FAAH: variants seen among roughly 807,000 people sequenced by gnomAD.
The protein encoded by FAAH is fatty-acid amide hydrolase 1.
In FAAH, 63 loss-of-function variants were observed where a neutral mutation model predicts 69.7. That is an observed-to-expected ratio of 0.90 (90% CI 0.74 to 1.12). The LOEUF (loss-of-function observed/expected upper bound fraction) is 1.12. Ranked by LOEUF, FAAH falls within the 50% of genes most tolerant of loss-of-function variation. The pLI, the probability that FAAH is intolerant of heterozygous loss-of-function variation, is 0.00. For synonymous variants in FAAH, 305 were observed against 324.2 expected (o/e 0.94, Z 0.64); for missense variants, 680 against 755.0 (o/e 0.90, Z 1.16).
chr1:46,410,569 C>T lies in FAAH; in HGVS notation c.1275+72C>T, dbSNP rs2148452846. ...TAGGGCCTCCTATCGCATGATCCCC[C>T]ATGGCCTCCCTCAGCCTCTCTTGGT... On this transcript the variant is annotated intron_variant, in intron 10 of 14. Coordinates refer to ENST00000243167, the MANE Select transcript of FAAH (RefSeq NM_001441.3). The surrounding 1 kb of genome is among the most constrained non-coding windows in gnomAD (Gnocchi z 4.9). The T allele has an allele frequency of 2.1e-6, 3 of 1,398,522 alleles. No homozygotes were observed. Among genetic ancestry groups the T allele is most frequent in the African/African-American group, 2.8e-5 (2 of 70,762 alleles). The allele number at this position is 1,398,522 out of a possible 1,614,324, so 86.6% of individuals were successfully genotyped here. A position where few individuals can be genotyped will look rare whatever the true frequency, so the allele number is the denominator to read the frequency against.
Position 46,394,529 on chromosome 1 carries a change from C to G in FAAH, c.181C>G (p.Arg61Gly). The change falls in exon 1 of 15, where the codon CGC (arginine) becomes GGC (glycine). Residue 61 changes from arginine (R) to glycine (G), a missense_variant. Transcript: ENST00000243167. Reference protein sequence around the residue: ...GLENMDRAAQRFRLQNPDLDS... With the variant: ...GLENMDRAAQGFRLQNPDLDS... ...GGAGAACATGGACAGGGCGGCGCAG[C>G]GCTTCCGGCTCCAGGTGACTGCCGG... 1.5e-6 allele frequency: 2 copies of G among 1,369,280 alleles called. No homozygotes were observed. The highest frequency in any genetic ancestry group is 1.9e-6 in the Non-Finnish European group (2 of 1,067,896). The allele number at this position is 1,369,280 out of a possible 1,614,324, so 84.8% of individuals were successfully genotyped here.
At chr1:46,397,101 G>A (rs1664609920) in intron 1 of FAAH, among the ~76,000 whole-genome samples, 1 of 152,192 alleles carries the variant, frequency 6.6e-6, no homozygotes, top group Non-Finnish European at 1.5e-5. Flanking sequence ...TGCCCTCTCT[G>A]GCTGGGCGCT....
chr1:46,410,907 CTG>C lies in FAAH; in HGVS notation c.1316+54_1316+55del, dbSNP rs1272139260. On this transcript the variant is annotated intron_variant, in intron 11 of 14. Coordinates refer to ENST00000243167, the MANE Select transcript of FAAH (RefSeq NM_001441.3). This position sits in a 1 kb window ranked among gnomAD's most constrained non-coding sequence, Gnocchi z 4.9. ...GGCCCCTGCCTGTCCTGATCCGAGT[CTG>C]GGTCTGGGTAGTTTCTGACAGGAAA... 9 of 1,605,554 alleles carry C rather than the reference CTG, an allele frequency of 5.6e-6. No individual in the cohort carries two copies. The highest frequency in any genetic ancestry group is 7.7e-6 in the Non-Finnish European group (9 of 1,172,302).
chr1:46,413,431 C>A lies in FAAH; in HGVS notation c.1612-16C>A. On this transcript the variant is annotated splice_polypyrimidine_tract_variant and intron_variant, in intron 14 of 14. Coordinates refer to ENST00000243167, the MANE Select transcript of FAAH (RefSeq NM_001441.3). ...CTGCCTTGCTAACCCTATCCTGATG[C>A]CTGTATCCCCTATAGGGCATGAAGA... 6.2e-7 allele frequency: 1 copy of A among 1,614,108 alleles called. No homozygotes were observed. Among genetic ancestry groups the A allele is most frequent in the Non-Finnish European group, 8.5e-7 (1 of 1,179,990 alleles).
chr1:46,406,606 T>G (rs1333185920), intron 7 of FAAH, among the ~76,000 whole-genome samples: 3 of 141,670 alleles, frequency 2.1e-5, no homozygotes, highest in Admixed American at 1.4e-4. Context: ...TTTTTGAGAC[T>G]GAGTATCGCT....
At chr1:46,401,621 AC>A (rs757450744) in intron 1 of FAAH, among the ~76,000 whole-genome samples, 1 of 152,042 alleles carries the variant, frequency 6.6e-6, no homozygotes. Flanking sequence ...GCAAGAAGGC[AC>A]CTCTCTCTCA....
chr1:46,410,231 A>C lies in FAAH; in HGVS notation c.1176-167A>C. On this transcript the variant is annotated intron_variant, in intron 9 of 14. Transcript: ENST00000243167. The surrounding 1 kb of genome is among the most constrained non-coding windows in gnomAD (Gnocchi z 4.9). ...ATGTGGGTTGCAGCCCAGGCATCCC[A>C]AAGGATCAGCAGAAACAAACGGCAT... 1 of 711,838 alleles carries C rather than the reference A, an allele frequency of 1.4e-6. No homozygotes were observed. The highest frequency in any genetic ancestry group is 2.6e-6 in the Non-Finnish European group (1 of 385,566). 44.1% of individuals were successfully genotyped at this position (711,838 alleles called of 1,614,324 possible).
chr1:46,409,142 G>A lies in FAAH; in HGVS notation c.1119G>A (p.Glu373=). The change falls in exon 9 of 15, where the codon GAG becomes GAA. Residue 373 remains glutamate (E), a synonymous_variant. Coordinates refer to ENST00000243167, the MANE Select transcript of FAAH (RefSeq NM_001441.3). ...FLPSNIPHAL[E]TLSTGGLFSD... is the part of the protein sequence containing the mutation. ...CAAGCAACATACCCCATGCTCTGGA[G>A]ACCCTGTCAACAGGTGGGCTCTTCA... The A allele has an allele frequency of 6.2e-7, 1 of 1,614,038 alleles. No homozygotes were observed. Among genetic ancestry groups the A allele is most frequent in the South Asian group, 1.1e-5 (1 of 91,058 alleles).
chr1:46,406,425 G>A, intron 7 of FAAH, 57 bp downstream of exon 7: 1 of 1,610,484 alleles, frequency 6.2e-7, no homozygotes, highest in Non-Finnish European at 8.5e-7. Flanking sequence ...AGCCACCCCA[G>A]GCCTTGTGGG....
In FAAH at chr1:46,410,543, C is replaced by A; in HGVS notation, c.1275+46C>A. The stretch of plus-strand genomic sequence containing the variant: ...GGGGCTAGGATGGCTGGGGGGGAAC[C>A]TAGGGCCTCCTATCGCATGATCCCC... On this transcript the variant is annotated intron_variant, in intron 10 of 14. Coordinates refer to ENST00000243167, the MANE Select transcript of FAAH (RefSeq NM_001441.3). The surrounding 1 kb of genome is among the most constrained non-coding windows in gnomAD (Gnocchi z 4.9). 1 of 1,543,142 alleles carries A rather than the reference C, an allele frequency of 6.5e-7. No homozygotes were observed. The highest frequency in any genetic ancestry group is 9.0e-7 in the Non-Finnish European group (1 of 1,117,232).
chr1:46,406,519 A>C, intron 7 of FAAH, 151 bp downstream of exon 7: 1 of 897,242 alleles, frequency 1.1e-6, no homozygotes, highest in Non-Finnish European at 1.8e-6. Flanking sequence ...GACGGCCACC[A>C]GATGGAGCCC....
Position 46,408,600 on chromosome 1 carries a change from C to G in FAAH, c.1077+16C>G, listed in dbSNP as rs771555946. The G allele has an allele frequency of 1.9e-6, 3 of 1,614,116 alleles. No homozygotes were observed. Among genetic ancestry groups the G allele is most frequent in the Non-Finnish European group, 1.7e-6 (2 of 1,180,038 alleles). On this transcript the variant is annotated intron_variant, in intron 8 of 14. Transcript: ENST00000243167. ...GGGGCACACGGTATGACTGCAGGGT[C>G]CTGGAAGTACTGGCATCTCCTCCCC... is the stretch of plus-strand genomic sequence containing the variant.
intron 7 of FAAH, 79 bp downstream of exon 7, chr1:46,406,447 G>C: frequency 3.1e-6 from 5 of 1,592,548 alleles, no homozygotes; most frequent in Non-Finnish European, 4.3e-6. Flanking sequence ...AGGCCTTGGA[G>C]CCCCTGTCTC....
Position 46,413,120 on chromosome 1 carries a change from C to A in FAAH, c.1511C>A (p.Ala504Glu). ...CTGTACAACTGCCTGGACTTCCCTG[C>A]AGGGGTGGTGCCTGTCACCACGGTG... ...TMLYNCLDFP[A>E]GVVPVTTVTA... Residue 504 changes from alanine to glutamate, a missense_variant, in exon 14 of 15, where the codon GCA (alanine) becomes GAA (glutamate). Coordinates refer to ENST00000243167, the MANE Select transcript of FAAH (RefSeq NM_001441.3). The A allele has an allele frequency of 1.2e-6, 2 of 1,614,202 alleles. No individual in the cohort carries two copies. The highest frequency in any genetic ancestry group is 2.2e-5 in the South Asian group (2 of 91,088).
At chr1:46,402,407 G>A (rs1664720702) in intron 2 of FAAH, among the ~76,000 whole-genome samples, 1 of 152,242 alleles carries the variant, frequency 6.6e-6, no homozygotes, top group South Asian at 2.1e-4. Context: ...GTGTATGTAT[G>A]TGTGTATGAG....
At position 46,394,551 on chromosome 1, in the gene FAAH, C is replaced by T. The variant is rs1214831228; in HGVS notation, c.195+8C>T. On this transcript the variant is annotated splice_region_variant and intron_variant, in intron 1 of 14. Transcript: ENST00000243167. ...CAGCGCTTCCGGCTCCAGGTGACTG[C>T]CGGAGCGTAGTGGGATGGGCGCGGC... 1.5e-6 allele frequency: 2 copies of T among 1,347,788 alleles called. No homozygotes were observed. The highest frequency in any genetic ancestry group is 3.8e-5 in the South Asian group (2 of 52,492). 83.5% of individuals were successfully genotyped at this position (1,347,788 alleles called of 1,614,324 possible).
chr1:46,406,202 C>A, intron 6 of FAAH, 42 bp from the exon 7 acceptor site: 1 of 1,614,030 alleles, frequency 6.2e-7, no homozygotes. Flanking sequence ...CTGGGTTCCT[C>A]GCTCCTTGTC....
In FAAH at chr1:46,407,594, A is replaced by ACT. The variant is rs746474768; in HGVS notation, c.952-852_952-851dup. ...GTTCTGGTTGTGCTCTGGTCCTGGT[A>ACT]CTCTCTCTCTCTCTGTCTCTGTGTG... On this transcript the variant is annotated intron_variant, in intron 7 of 14. Coordinates refer to ENST00000243167, the MANE Select transcript of FAAH (RefSeq NM_001441.3). 7.5e-4 allele frequency among the ~76,000 whole-genome samples: 112 copies of ACT among 149,054 alleles called. 1 individual carries two copies. The Middle Eastern group carries it at 0.039, about 52-fold the overall frequency.
rs960764482 is a variant in FAAH at position 46,404,132 on chromosome 1, A to G, written c.310-882A>G. On this transcript the variant is annotated intron_variant, in intron 2 of 14. Coordinates refer to ENST00000243167, the MANE Select transcript of FAAH (RefSeq NM_001441.3). This position sits in a 1 kb window ranked among gnomAD's most constrained non-coding sequence, Gnocchi z 4.5. The stretch of plus-strand genomic sequence containing the variant: ...GGTGTCACTGAGAGGGGGCACGTAC[A>G]TAGTCTCAGCAGATGGTCTTGCTTC... Among the ~76,000 whole-genome samples the G allele has an allele frequency of 1.3e-5, 2 of 152,196 alleles. No individual in the cohort carries two copies. The highest frequency in any genetic ancestry group is 4.8e-5 in the African/African-American group (2 of 41,448).
Sources: allele counts gnomAD v4.1 joint callset (sites outside exome capture counted in the v4.1 genomes callset), GRCh38; gene constraint gnomAD v4.1.1; non-coding constraint Gnocchi (gnomAD v3.1); transcripts MANE v1.5; gene names NCBI Gene and HGNC (gene_info 2026-07-23, HGNC 2026-07-21).